The following GOLIM4 variants were observed in gnomAD, a reference collection of about 807,000 sequenced individuals.
GOLIM4 encodes 130 kDa golgi-localized phosphoprotein.
Under a neutral mutation model 107.4 loss-of-function variants are expected in GOLIM4, and 71 were observed. That is an observed-to-expected ratio of 0.66 (90% CI 0.55 to 0.81). GOLIM4 has a LOEUF of 0.81. GOLIM4 is among the 30% of genes least tolerant of loss of function. The pLI is 0.00. For missense variants in GOLIM4, 830 were observed against 826.1 expected, an observed-to-expected ratio of 1.00 and a Z score of -0.06; for synonymous variants, 327 against 294.8, an observed-to-expected ratio of 1.11 and a Z score of -1.12.
In GOLIM4 at chr3:168,010,201, G is replaced by T. The variant is rs1165152054; in HGVS notation, c.*68C>A. Reference sequence around the variant, plus strand: ...TAATTAAATATCCTAGAGTTCAGTAGGCAGATTTATGTTTGAGCAGCTTGA... The same window carrying T: ...TAATTAAATATCCTAGAGTTCAGTATGCAGATTTATGTTTGAGCAGCTTGA... On this transcript the variant is annotated 3_prime_UTR_variant, in exon 16 of 16. Transcript: ENST00000470487. The T allele has an allele frequency of 2.9e-6, 4 of 1,398,698 alleles. No individual in the cohort carries two copies. The African/African-American group carries it at 4.3e-5, about 15-fold the overall frequency. The allele number at this position is 1,398,698 out of a possible 1,614,324, so 86.6% of individuals were successfully genotyped here. A position where few individuals can be genotyped will look rare whatever the true frequency, so the allele number is the denominator to read the frequency against.
chr3:168,031,067 C>T (rs190627694), intron 9 of GOLIM4, among the ~76,000 whole-genome samples: 150 of 152,118 alleles, frequency 9.9e-4, no homozygotes, highest in South Asian at 8.5e-3. Flanking sequence ...GAACTGGAGG[C>T]CATTATGTTA....
Position 168,012,220 on chromosome 3 carries a change from GCT to G in GOLIM4, c.1861-1399_1861-1398del, listed in dbSNP as rs1332370003. Among the ~76,000 whole-genome samples the G allele has an allele frequency of 1.5e-5, 2 of 132,180 alleles. 1 individual carries two copies. Among genetic ancestry groups the G allele is most frequent in the African/African-American group, 8.2e-5 (2 of 24,426 alleles). The allele number at this position is 132,180 out of a possible 152,430, so 86.7% of individuals were successfully genotyped here. The stretch of plus-strand genomic sequence containing the variant: ...GGAGCTGATGGAGCTGAAAACCAAG[GCT>G]CGAGAACTACATGAAGAATGCAGAA... On this transcript the variant is annotated intron_variant, in intron 14 of 15. Coordinates refer to ENST00000470487, the MANE Select transcript of GOLIM4 (RefSeq NM_014498.5).
intron 1 of GOLIM4, among the ~76,000 whole-genome samples, chr3:168,050,820 CCTATAATAATAATAATAA>C (rs1719587964): frequency 9.1e-6 from 1 of 109,912 alleles, no homozygotes; most frequent in South Asian, 3.0e-4. Flanking sequence ...CCTAGCAACA[CCTATAATAATAATAATAA>C]TAATAATAAT....
At chr3:168,056,649 C>G (rs192939787) in intron 1 of GOLIM4, among the ~76,000 whole-genome samples, 2 of 152,318 alleles carry the variant, frequency 1.3e-5, no homozygotes, top group African/African-American at 4.8e-5. Context: ...GACATGGAAT[C>G]AAAGGAGATA....
intron 1 of GOLIM4, among the ~76,000 whole-genome samples, chr3:168,093,577 G>A (rs1326068781): frequency 6.6e-6 from 1 of 152,078 alleles, no homozygotes; most frequent in Non-Finnish European, 1.5e-5. Context: ...CCCTTGGTCT[G>A]ACTCCATGGA....
At chr3:168,073,141 T>C (rs760474287) in intron 1 of GOLIM4, among the ~76,000 whole-genome samples, 3 of 152,188 alleles carry the variant, frequency 2.0e-5, no homozygotes, top group Non-Finnish European at 4.4e-5. Context: ...AAGAAGGCAT[T>C]CTACTGTGTA....
rs138206405 is a variant in GOLIM4 at position 168,082,393 on chromosome 3, T to C, written c.187+12706A>G. On this transcript the variant is annotated intron_variant, in intron 1 of 15. Transcript: ENST00000470487. ...CAGCCCCTCCTCAAAATATTGTTAC[T>C]GTGAGACCCTTAGATGAAGACATCT... Among the ~76,000 whole-genome samples, 588 of 152,288 alleles carry C rather than the reference T, an allele frequency of 3.9e-3. 1 individual carries two copies. Among genetic ancestry groups the C allele is most frequent in the Middle Eastern group, 0.02 (6 of 294 alleles).
At chr3:168,069,675 G>A (rs1001965265) in intron 1 of GOLIM4, among the ~76,000 whole-genome samples, 7 of 152,226 alleles carry the variant, frequency 4.6e-5, no homozygotes, top group African/African-American at 1.7e-4. Flanking sequence ...GAGTTTTGCT[G>A]CTTTGATGTT....
intron 14 of GOLIM4, among the ~76,000 whole-genome samples, chr3:168,013,868 T>C (rs1428511982): frequency 1.3e-5 from 2 of 151,036 alleles, no homozygotes; most frequent in African/African-American, 4.9e-5. Flanking sequence ...CATACCAGAA[T>C]CTCTGGGACG....
At chr3:168,025,176 G>T in intron 12 of GOLIM4, 81 bp from the exon 13 acceptor site, 1 of 1,125,962 alleles carries the variant, frequency 8.9e-7, no homozygotes, top group Non-Finnish European at 1.3e-6. Flanking sequence ...CTGCCCACTG[G>T]CAGAAAATGA....
At chr3:168,037,445 T>TA (rs1217695473) in intron 7 of GOLIM4, among the ~76,000 whole-genome samples, 1 of 122,816 alleles carries the variant, frequency 8.1e-6, no homozygotes, top group Non-Finnish European at 1.9e-5. Context: ...AAATTTTAAA[T>TA]ACACATACAC....
chr3:168,067,457 C>T (rs1425030758), intron 1 of GOLIM4, among the ~76,000 whole-genome samples: 2 of 148,854 alleles, frequency 1.3e-5, no homozygotes, highest in Non-Finnish European at 3.0e-5. Context: ...CACCACAATA[C>T]AAAAAGAGCA....
chr3:168,026,094 A>T (rs750117638), intron 12 of GOLIM4, among the ~76,000 whole-genome samples: 8 of 152,158 alleles, frequency 5.3e-5, no homozygotes, highest in Non-Finnish European at 8.8e-5. Flanking sequence ...TTCACTTAGG[A>T]GTCTTGAACA....
chr3:168,042,709 C>T (rs933011713), intron 5 of GOLIM4, among the ~76,000 whole-genome samples: 4 of 152,234 alleles, frequency 2.6e-5, no homozygotes, highest in African/African-American at 9.6e-5. Context: ...TTTCATATTA[C>T]TATGAAAATA....
At chr3:168,068,736 GAATA>G (rs1397775678) in intron 1 of GOLIM4, among the ~76,000 whole-genome samples, 3 of 151,788 alleles carry the variant, frequency 2.0e-5, no homozygotes, top group Non-Finnish European at 4.4e-5. Flanking sequence ...TGTAAATAAA[GAATA>G]AACACTAAAA....
At chr3:168,054,187 T>G (rs1719803853) in intron 1 of GOLIM4, among the ~76,000 whole-genome samples, 1 of 152,228 alleles carries the variant, frequency 6.6e-6, no homozygotes, top group African/African-American at 2.4e-5. Flanking sequence ...CTTCATAATT[T>G]ATGGCTGAAT....
intron 8 of GOLIM4, among the ~76,000 whole-genome samples, 163 bp downstream of exon 8, chr3:168,036,673 C>A (rs1011674652): frequency 2.0e-5 from 3 of 152,176 alleles, no homozygotes; most frequent in African/African-American, 7.2e-5. Context: ...GGCCTGGGAC[C>A]CAGTAATCTG....
chr3:168,027,584 A>AT, intron 12 of GOLIM4, 144 bp downstream of exon 12: 1 of 640,082 alleles, frequency 1.6e-6, no homozygotes, highest in Non-Finnish European at 2.8e-6. Flanking sequence ...CACTGCCCAT[A>AT]TATAATTATG....
At chr3:168,049,849 C>T (rs1473122663) in intron 1 of GOLIM4, among the ~76,000 whole-genome samples, 2 of 152,162 alleles carry the variant, frequency 1.3e-5, no homozygotes, top group African/African-American at 2.4e-5. Flanking sequence ...AGCTTCTCCC[C>T]ACACTGTGTC....
Sources: gnomAD v4.1 joint callset for allele counts (sites outside exome capture counted in the v4.1 genomes callset) on GRCh38, gnomAD v4.1.1 for gene constraint, MANE v1.5 for transcripts, NCBI Gene and HGNC (gene_info 2026-07-23, HGNC 2026-07-21) for gene names.